Variants in SLC24A3 observed in about 807,000 individuals in gnomAD.
SLC24A3 encodes sodium/potassium/calcium exchanger 3.
Under a neutral mutation model 75.8 loss-of-function variants are expected in SLC24A3, and 28 were observed. The ratio of observed to expected loss-of-function variants is 0.37; its 90% CI spans 0.27 to 0.51. The LOEUF is 0.51. Ranked by LOEUF, SLC24A3 falls within the 20% of genes least tolerant of loss-of-function variation. The pLI is 0.94. For missense variants in SLC24A3, 663 were observed against 847.8 expected (o/e 0.78, Z 2.71); for synonymous variants, 372 against 334.1 (o/e 1.11, Z -1.24).
chr20:19,347,048 G>A (rs749795480), intron 2 of SLC24A3, among the ~76,000 whole-genome samples: 13 of 152,094 alleles, frequency 8.5e-5, no homozygotes, highest in Non-Finnish European at 1.5e-4. Flanking sequence ...GAAGAAATGA[G>A]CCATCAAGCC....
intron 2 of SLC24A3, among the ~76,000 whole-genome samples, chr20:19,428,188 C>T (rs962692755): frequency 1.3e-5 from 2 of 152,204 alleles, no homozygotes; most frequent in Non-Finnish European, 2.9e-5. Context: ...GTGGGTATTG[C>T]AGTTGCTGTT....
chr20:19,527,080 AACCTTTGGTCT>A (rs1251164580), intron 3 of SLC24A3, among the ~76,000 whole-genome samples: 2 of 151,934 alleles, frequency 1.3e-5, no homozygotes. Context: ...TAGGCCCCAA[AACCTTTGGTCT>A]CCCTGAAATC....
chr20:19,604,912 A>C (rs2031575626), intron 6 of SLC24A3, among the ~76,000 whole-genome samples: 1 of 151,906 alleles, frequency 6.6e-6, no homozygotes. Context: ...CATTGTCTAA[A>C]TCTCATCCTT....
intron 6 of SLC24A3, among the ~76,000 whole-genome samples, chr20:19,638,170 T>A (rs1269178906): frequency 6.6e-6 from 1 of 151,682 alleles, no homozygotes; most frequent in Non-Finnish European, 1.5e-5. Context: ...GAACATGCAG[T>A]GTTTGGTTTT....
intron 1 of SLC24A3, among the ~76,000 whole-genome samples, chr20:19,248,308 C>A (rs1982554048): frequency 6.6e-6 from 1 of 152,044 alleles, no homozygotes; most frequent in South Asian, 2.1e-4. Context: ...TGCAGTAGTA[C>A]AGAATTGTAA....
chr20:19,584,385 A>G (rs751986646), intron 4 of SLC24A3, among the ~76,000 whole-genome samples: 1 of 152,100 alleles, frequency 6.6e-6, no homozygotes, highest in Non-Finnish European at 1.5e-5. Flanking sequence ...ACATGCCTCC[A>G]TAACCTCCTA....
chr20:19,529,210 C>T (rs1222422921), intron 3 of SLC24A3, among the ~76,000 whole-genome samples: 1 of 152,046 alleles, frequency 6.6e-6, no homozygotes, highest in Admixed American at 6.5e-5. Context: ...TATATACACA[C>T]ACATAAATAT....
chr20:19,496,350 G>A (rs1342910916), intron 2 of SLC24A3, among the ~76,000 whole-genome samples: 2 of 152,178 alleles, frequency 1.3e-5, no homozygotes, highest in African/African-American at 4.8e-5. Flanking sequence ...GATGGGCTGT[G>A]GAGTGATGTG....
chr20:19,437,135 T>C (rs910806287), intron 2 of SLC24A3, among the ~76,000 whole-genome samples: 1 of 152,106 alleles, frequency 6.6e-6, no homozygotes, highest in Non-Finnish European at 1.5e-5. Flanking sequence ...GGAGAGAGGA[T>C]ACATAAGAGG....
chr20:19,499,673 G>A (rs778426075), intron 2 of SLC24A3, among the ~76,000 whole-genome samples: 11 of 152,146 alleles, frequency 7.2e-5, no homozygotes, highest in Non-Finnish European at 1.3e-4. Context: ...TCGCACTGGG[G>A]ATTAGGATTT....
intron 2 of SLC24A3, among the ~76,000 whole-genome samples, chr20:19,311,872 A>G (rs993011972): frequency 1.3e-5 from 2 of 152,058 alleles, no homozygotes; most frequent in African/African-American, 2.4e-5. Flanking sequence ...TCCTGATGGG[A>G]TCGAGGCCCA....
intron 1 of SLC24A3, among the ~76,000 whole-genome samples, chr20:19,216,227 G>C (rs1981548974): frequency 6.6e-6 from 1 of 152,122 alleles, no homozygotes; most frequent in Admixed American, 6.5e-5. Flanking sequence ...AATGAGAATA[G>C]ATTACTTTTG....
chr20:19,710,982 T>C (rs1365276171), intron 15 of SLC24A3, among the ~76,000 whole-genome samples: 2 of 151,552 alleles, frequency 1.3e-5, no homozygotes, highest in African/African-American at 4.9e-5. Context: ...CAATCAACTC[T>C]CCACTCTTGC....
In SLC24A3 at chr20:19,402,657, A is replaced by G. The variant is rs376924191; in HGVS notation, c.272-112831A>G. ...AAGGATCAGAGAAGTTGTTTTTTTG[A>G]CAGATGAAAGCTGTAAAAATCTTTC... On this transcript the variant is annotated intron_variant, in intron 2 of 16. Transcript: ENST00000328041. Among the ~76,000 whole-genome samples the G allele has an allele frequency of 1.5e-3, 233 of 152,304 alleles. 6 individuals are homozygous for G. In the South Asian group the frequency reaches 0.046, roughly 30 times the overall value.
intron 2 of SLC24A3, among the ~76,000 whole-genome samples, chr20:19,504,550 G>A (rs1332354456): frequency 2.0e-5 from 3 of 152,150 alleles, no homozygotes; most frequent in Non-Finnish European, 2.9e-5. Flanking sequence ...ACAGGAATGG[G>A]CATTCCTTGT....
In SLC24A3 at chr20:19,241,482, C is replaced by CT. The variant is rs147009164; in HGVS notation, c.142+28500dup. 1.1e-3 allele frequency among the ~76,000 whole-genome samples: 166 copies of CT among 152,310 alleles called. 4 individuals carry two copies. In the East Asian group the frequency reaches 0.03, roughly 27 times the overall value. ...CACTCGGTTTCTCCATTTCTCCATT[C>CT]TTGCGGTGGGCCTATTGATTAGGAG... On this transcript the variant is annotated intron_variant, in intron 1 of 16. Transcript: ENST00000328041.
At chr20:19,586,580 A>G (rs1321969135) in intron 6 of SLC24A3, among the ~76,000 whole-genome samples, 3 of 152,152 alleles carry the variant, frequency 2.0e-5, no homozygotes, top group African/African-American at 7.2e-5. Flanking sequence ...GGGGCACCCC[A>G]TGCTGCCCGT....
intron 6 of SLC24A3, among the ~76,000 whole-genome samples, chr20:19,651,768 G>A (rs1483483579): frequency 6.6e-6 from 1 of 151,424 alleles, no homozygotes; most frequent in African/African-American, 2.4e-5. Context: ...GGCTGAGGCA[G>A]GAGAATGGTG....
chr20:19,534,989 T>C (rs1184358298), intron 3 of SLC24A3, among the ~76,000 whole-genome samples: 2 of 152,112 alleles, frequency 1.3e-5, no homozygotes, highest in Non-Finnish European at 2.9e-5. Context: ...ACTTTAAATA[T>C]GCTAATTTGG....
Sources: allele counts gnomAD v4.1 joint callset (sites outside exome capture counted in the v4.1 genomes callset), GRCh38; gene constraint gnomAD v4.1.1; transcripts MANE v1.5; gene names NCBI Gene and HGNC (gene_info 2026-07-23, HGNC 2026-07-21).